CFAP61: variants seen among roughly 807,000 people sequenced by gnomAD.
CFAP61 encodes cilia and flagella associated protein 61.
A neutral mutation model predicts 135.6 loss-of-function variants in CFAP61; 107 were observed. The observed-to-expected ratio is 0.79, with a 90% CI of 0.67 to 0.93. CFAP61 has a LOEUF of 0.93. CFAP61 is among the 40% of genes least tolerant of loss of function. The pLI is 0.00. For synonymous variants in CFAP61, 575 were observed against 578.5 expected (o/e 0.99, Z 0.09); for missense variants, 1,507 against 1,556.2 (o/e 0.97, Z 0.53).
At chr20:20,174,565 A>G (rs1370241785) in intron 13 of CFAP61, among the ~76,000 whole-genome samples, 1 of 152,158 alleles carries the variant, frequency 6.6e-6, no homozygotes, top group Non-Finnish European at 1.5e-5. Flanking sequence ...ACCTGTCAAT[A>G]TTGCTCAGTT....
intron 18 of CFAP61, among the ~76,000 whole-genome samples, chr20:20,233,705 A>G (rs975858850): frequency 7.9e-5 from 12 of 152,178 alleles, no homozygotes; most frequent in Admixed American, 5.9e-4. Flanking sequence ...GGGGTTTCCT[A>G]TTCGACTCCA....
In CFAP61 at chr20:20,196,644, C is replaced by A. The variant is rs148749465; in HGVS notation, c.1665C>A (p.His555Gln). The A allele has an allele frequency of 1.9e-6, 3 of 1,613,964 alleles. No homozygotes were observed. In the African/African-American group the frequency reaches 4.0e-5, roughly 22 times the overall value. ...IYFSHHQREE[H>Q]GHMHHFALNP... Reference sequence around the variant, plus strand: ...TCAGTCACCACCAGCGCGAAGAACACGGGCACATGCATCACTTTGCCCTCA... The same window carrying A: ...TCAGTCACCACCAGCGCGAAGAACAAGGGCACATGCATCACTTTGCCCTCA... Residue 555 changes from histidine to glutamine, a missense_variant, in exon 16 of 27, where the codon CAC becomes CAA. Coordinates refer to ENST00000245957, the MANE Select transcript of CFAP61 (RefSeq NM_015585.4).
intron 25 of CFAP61, among the ~76,000 whole-genome samples, chr20:20,333,327 G>A (rs1056847856): frequency 5.3e-5 from 8 of 152,152 alleles, no homozygotes; most frequent in East Asian, 1.9e-4. Context: ...CATTATCCCC[G>A]TTTTACAGCT....
At chr20:20,240,407 T>G (rs951795087) in intron 18 of CFAP61, among the ~76,000 whole-genome samples, 9 of 152,120 alleles carry the variant, frequency 5.9e-5, no homozygotes, top group African/African-American at 2.2e-4. Flanking sequence ...GGAGGCCTCC[T>G]GCATGGCCCC....
In CFAP61 at chr20:20,355,979, G is replaced by A; in HGVS notation, c.3514-4231G>A. Among the ~76,000 whole-genome samples the A allele has an allele frequency of 1.0e-4, 2 of 19,434 alleles. 1 individual carries two copies. Among genetic ancestry groups the A allele is most frequent in the Admixed American group, 1.9e-3 (2 of 1,066 alleles). The allele number at this position is 19,434 out of a possible 152,430, so 12.7% of individuals were successfully genotyped here. A position where few individuals can be genotyped will look rare whatever the true frequency, so the allele number is the denominator to read the frequency against. On this transcript the variant is annotated intron_variant, in intron 26 of 26. Transcript: ENST00000245957. ...CTGTAAGGGGAGGTGATCACACTGT[G>A]AGGGGACGTCACACTGTGAGGGGAG...
intron 8 of CFAP61, among the ~76,000 whole-genome samples, chr20:20,119,058 A>T (rs2049408571): frequency 6.6e-6 from 1 of 152,004 alleles, no homozygotes. Context: ...TATGTTCTTC[A>T]GTGGTATTGG....
intron 10 of CFAP61, among the ~76,000 whole-genome samples, chr20:20,159,843 T>G (rs1411761573): frequency 6.6e-6 from 1 of 152,240 alleles, no homozygotes; most frequent in African/African-American, 2.4e-5. Context: ...GTGTTATTAA[T>G]ATATGTCATT....
chr20:20,163,693 T>C (rs144095458), intron 10 of CFAP61, among the ~76,000 whole-genome samples: 1 of 151,998 alleles, frequency 6.6e-6, no homozygotes, highest in African/African-American at 2.4e-5. Flanking sequence ...CATGGTGGTT[T>C]GCGGCACCTA....
chr20:20,133,263 T>G (rs2050678896), intron 8 of CFAP61, among the ~76,000 whole-genome samples: 1 of 152,254 alleles, frequency 6.6e-6, no homozygotes, highest in East Asian at 1.9e-4. Context: ...GTATTGTTCA[T>G]GCATTTGGTG....
At chr20:20,264,061 C>A (rs77235620) in intron 21 of CFAP61, among the ~76,000 whole-genome samples, 12,789 of 152,020 alleles carry the variant, frequency 0.084, 602 homozygotes, top group Middle Eastern at 0.16. Context: ...TAGGTATTAA[C>A]TTTTGCCAAG....
chr20:20,316,252 C>G (rs1214915831), intron 25 of CFAP61, among the ~76,000 whole-genome samples: 1 of 152,120 alleles, frequency 6.6e-6, no homozygotes, highest in Admixed American at 6.6e-5. Flanking sequence ...AGAGGTCTTT[C>G]ACATCCCTTG....
intron 7 of CFAP61, among the ~76,000 whole-genome samples, chr20:20,097,318 G>C (rs1036223686): frequency 6.6e-6 from 1 of 152,108 alleles, no homozygotes; most frequent in African/African-American, 2.4e-5. Flanking sequence ...GTAAATGCAG[G>C]TTTCTAATAA....
chr20:20,060,236 A>G (rs2044696474), intron 2 of CFAP61, among the ~76,000 whole-genome samples: 1 of 152,216 alleles, frequency 6.6e-6, no homozygotes, highest in African/African-American at 2.4e-5. Context: ...CAGTGAAACA[A>G]TTCCTAGGGG....
intron 8 of CFAP61, among the ~76,000 whole-genome samples, chr20:20,127,941 G>A (rs897511535): frequency 6.6e-6 from 1 of 151,548 alleles, no homozygotes. Flanking sequence ...GCTGCCTCTG[G>A]TGAGTCATGC....
intron 2 of CFAP61, among the ~76,000 whole-genome samples, chr20:20,067,791 T>C (rs549995430): frequency 0.017 from 2,414 of 146,064 alleles, 66 homozygotes; most frequent in African/African-American, 0.057. Flanking sequence ...TATATATATA[T>C]ACCTACCTTC....
At chr20:20,259,272 T>TG (rs2051953960) in intron 20 of CFAP61, among the ~76,000 whole-genome samples, 1 of 78,066 alleles carries the variant, frequency 1.3e-5, no homozygotes, top group African/African-American at 5.4e-5. Flanking sequence ...TTTTTTTTTT[T>TG]GACAAGTTCT....
intron 17 of CFAP61, among the ~76,000 whole-genome samples, chr20:20,202,763 C>G (rs572126963): frequency 6.6e-6 from 1 of 152,090 alleles, no homozygotes; most frequent in African/African-American, 2.4e-5. Context: ...ACCGCCCCCC[C>G]GCCACAACCC....
At chr20:20,251,549 G>T in intron 19 of CFAP61, 46 bp from the exon 20 acceptor site, 1 of 1,591,306 alleles carries the variant, frequency 6.3e-7, no homozygotes. Context: ...ATTAATGCCC[G>T]CTGTCAGCTG....
intron 17 of CFAP61, among the ~76,000 whole-genome samples, chr20:20,208,051 T>C (rs1320720444): frequency 2.0e-5 from 3 of 152,250 alleles, no homozygotes; most frequent in African/African-American, 7.2e-5. Context: ...TGCCCGGCCC[T>C]GCATTACATC....
Sources: allele counts gnomAD v4.1 joint callset (sites outside exome capture counted in the v4.1 genomes callset), GRCh38; gene constraint gnomAD v4.1.1; transcripts MANE v1.5; gene names NCBI Gene and HGNC (gene_info 2026-07-23, HGNC 2026-07-21).